TRAPPC2: variants seen among roughly 807,000 people sequenced by gnomAD.
The protein encoded by TRAPPC2 is sedlin.
A neutral mutation model predicts 10.0 loss-of-function variants in TRAPPC2; 4 were observed. That is an observed-to-expected ratio of 0.40 (90% CI 0.20 to 0.92). TRAPPC2 has a LOEUF of 0.92. TRAPPC2 is among the 40% of genes least tolerant of loss of function. The pLI is 0.35. For missense variants in TRAPPC2, 52 were observed against 108.7 expected (o/e 0.48, Z 2.32); for synonymous variants, 36 against 37.3 (o/e 0.97, Z 0.12).
At chrX:13,733,674 A>G (rs1001731861) in intron 2 of TRAPPC2, among the ~76,000 whole-genome samples, 1 of 112,018 alleles carries the variant, frequency 8.9e-6, no homozygotes, top group Non-Finnish European at 1.9e-5. Context: ...CTTAGATACC[A>G]TATAAGGCTT....
chrX:13,724,486 C>G (rs2046499000), intron 2 of TRAPPC2, among the ~76,000 whole-genome samples: 1 of 110,071 alleles, frequency 9.1e-6, no homozygotes, highest in African/African-American at 3.3e-5. Context: ...GCGCTTGCTA[C>G]ACACTGAAAT....
Position 13,734,572 on chromosome X carries a change from A to C in TRAPPC2, c.-209T>G. On this transcript the variant is annotated 5_prime_UTR_variant, in exon 1 of 6. Coordinates refer to ENST00000380579, the MANE Select transcript of TRAPPC2 (RefSeq NM_001011658.4). ...GAAACGCAATGTCAGTTTCCGCGGAAGAGACCCGCGCCCCGAACCTGTAGC... is the reference window on the plus strand; with the variant it reads ...GAAACGCAATGTCAGTTTCCGCGGACGAGACCCGCGCCCCGAACCTGTAGC... 7 of 521,213 alleles carry C rather than the reference A, an allele frequency of 1.3e-5. No homozygotes were observed. The highest frequency in any genetic ancestry group is 1.7e-5 in the Non-Finnish European group (7 of 400,691). The allele number at this position is 521,213 out of a possible 1,213,427, so 43.0% of individuals were successfully genotyped here.
Position 13,714,378 on chromosome X carries a change from G to A in TRAPPC2, c.*29C>T, listed in dbSNP as rs146231075. 1,379 of 968,394 alleles carry A rather than the reference G, an allele frequency of 1.4e-3. 9 individuals carry two copies. In the African/African-American group the frequency reaches 0.023, roughly 16 times the overall value. 79.8% of individuals were successfully genotyped at this position (968,394 alleles called of 1,213,427 possible). ...ATTCCTGAGTATACACCATTGTGGT[G>A]ACATCATTTATTTTGGAATTTTCTG... On this transcript the variant is annotated 3_prime_UTR_variant, in exon 6 of 6. Coordinates refer to ENST00000380579, the MANE Select transcript of TRAPPC2 (RefSeq NM_001011658.4).
intron 3 of TRAPPC2, among the ~76,000 whole-genome samples, chrX:13,719,248 C>CAAA (rs34856925): frequency 9.7e-6 from 1 of 103,271 alleles, no homozygotes; most frequent in East Asian, 3.0e-4. Flanking sequence ...TTCCTTGTCT[C>CAAA]AAAAAAAAAA....
chrX:13,717,174 T>C (rs758974068), intron 3 of TRAPPC2, among the ~76,000 whole-genome samples: 9 of 109,240 alleles, frequency 8.2e-5, no homozygotes, highest in Non-Finnish European at 1.5e-4. Flanking sequence ...GTAGAGACAG[T>C]TGAAATGGCG....
chrX:13,727,115 T>C (rs772194690), intron 2 of TRAPPC2, among the ~76,000 whole-genome samples: 27 of 111,862 alleles, frequency 2.4e-4, no homozygotes, highest in Non-Finnish European at 4.0e-4. Context: ...AGCAAGTCCT[T>C]AGAGACCTAC....
chrX:13,716,812 C>A, intron 3 of TRAPPC2, 134 bp from the exon 4 acceptor site: 2 of 505,341 alleles, frequency 4.0e-6, no homozygotes, highest in South Asian at 7.1e-5. Flanking sequence ...TTGTTATTGT[C>A]ATGAGACTTA....
chrX:13,728,031 T>A (rs2046591110), intron 2 of TRAPPC2, among the ~76,000 whole-genome samples: 1 of 111,535 alleles, frequency 9.0e-6, no homozygotes, highest in South Asian at 3.7e-4. Flanking sequence ...ACACATACAC[T>A]CTCCCAAGGC....
chrX:13,723,834 C>A (rs1391396982), intron 2 of TRAPPC2, among the ~76,000 whole-genome samples: 1 of 111,038 alleles, frequency 9.0e-6, no homozygotes, highest in Non-Finnish European at 1.9e-5. Flanking sequence ...ACATCCTAAT[C>A]TCTGCAACTT....
rs914009383 is a variant in TRAPPC2, at chrX:13,712,867, TC to T, written c.*1539del. ...CAACGTATGTGCTATCACATTTCAC[TC>T]CCAACTGCAGAATATTTTAATTTTA... On this transcript the variant is annotated 3_prime_UTR_variant, in exon 6 of 6. Coordinates refer to ENST00000380579, the MANE Select transcript of TRAPPC2 (RefSeq NM_001011658.4). 1 of 112,156 alleles carries T rather than the reference TC, an allele frequency of 8.9e-6. No individual in the cohort carries two copies. Among genetic ancestry groups the T allele is most frequent in the Admixed American group, 9.5e-5 (1 of 10,552 alleles). 9.2% of individuals were successfully genotyped at this position (112,156 alleles called of 1,213,427 possible). A position where few individuals can be genotyped will look rare whatever the true frequency, so the allele number is the denominator to read the frequency against.
At chrX:13,729,402 T>C (rs1243755412) in intron 2 of TRAPPC2, among the ~76,000 whole-genome samples, 68 of 111,582 alleles carry the variant, frequency 6.1e-4, no homozygotes, top group African/African-American at 1.9e-3. Context: ...GAAACAGATA[T>C]ATAGACCAAT....
At chrX:13,715,189 T>C (rs934109246) in intron 5 of TRAPPC2, among the ~76,000 whole-genome samples, 11 of 113,095 alleles carry the variant, frequency 9.7e-5, no homozygotes, top group East Asian at 8.2e-4. Flanking sequence ...TAAAAACATA[T>C]GGGCCAGGCA....
At chrX:13,728,899 A>G (rs978351577) in intron 2 of TRAPPC2, among the ~76,000 whole-genome samples, 2 of 112,390 alleles carry the variant, frequency 1.8e-5, no homozygotes, top group African/African-American at 6.5e-5. Context: ...CAGCTTCAGC[A>G]AAGTCGCAGG....
At chrX:13,726,669 C>G (rs1392308046) in intron 2 of TRAPPC2, among the ~76,000 whole-genome samples, 1 of 111,877 alleles carries the variant, frequency 8.9e-6, no homozygotes, top group East Asian at 2.8e-4. Context: ...TTGTAAAAGA[C>G]CATTGATGCT....
chrX:13,721,985 G>T (rs2046417981), intron 2 of TRAPPC2: 1 of 109,771 alleles, frequency 9.1e-6, no homozygotes. Flanking sequence ...TAAGAAAAAG[G>T]TCCAAACAGA....
chrX:13,734,587 GA>G lies in TRAPPC2; in HGVS notation c.-225del. Reference sequence around the variant, plus strand: ...TTTCCGCGGAAGAGACCCGCGCCCCGAACCTGTAGCCAGAACGCCGAAGCAG... The same window carrying G: ...TTTCCGCGGAAGAGACCCGCGCCCCGACCTGTAGCCAGAACGCCGAAGCAG... On this transcript the variant is annotated 5_prime_UTR_variant, in exon 1 of 6. Coordinates refer to ENST00000380579, the MANE Select transcript of TRAPPC2 (RefSeq NM_001011658.4). 1.5e-6 allele frequency: 1 copy of G among 652,517 alleles called. No individual in the cohort carries two copies. Among genetic ancestry groups the G allele is most frequent in the Non-Finnish European group, 1.9e-6 (1 of 519,740 alleles). The allele number at this position is 652,517 out of a possible 1,213,427, so 53.8% of individuals were successfully genotyped here.
chrX:13,729,952 T>G (rs2046638675), intron 2 of TRAPPC2, among the ~76,000 whole-genome samples: 1 of 111,516 alleles, frequency 9.0e-6, no homozygotes, highest in Non-Finnish European at 1.9e-5. Flanking sequence ...ATGTTAGACC[T>G]AAAACCATAA....
intron 5 of TRAPPC2, chrX:13,715,724 C>T: frequency 1.3e-6 from 1 of 793,167 alleles, no homozygotes. Flanking sequence ...CTTTAGGGAT[C>T]CCTAATAAAA....
chrX:13,724,005 C>A (rs758147217), intron 2 of TRAPPC2, among the ~76,000 whole-genome samples: 1 of 111,683 alleles, frequency 9.0e-6, no homozygotes, highest in Non-Finnish European at 1.9e-5. Context: ...GGGGAAGTGA[C>A]AGAAGAATGG....
Sources: allele counts gnomAD v4.1 joint callset (sites outside exome capture counted in the v4.1 genomes callset), GRCh38; gene constraint gnomAD v4.1.1; transcripts MANE v1.5; gene names NCBI Gene and HGNC (gene_info 2026-07-23, HGNC 2026-07-21).